The following CELF4 variants were observed in gnomAD, a reference collection of about 807,000 sequenced individuals.
CELF4 encodes the protein CUG-BP- and ETR-3-like factor 4.
A neutral mutation model predicts 59.9 loss-of-function variants in CELF4; 18 were observed. That is an observed-to-expected ratio of 0.30 (90% confidence interval 0.21 to 0.45). CELF4 has a LOEUF of 0.45. Among genes scored for constraint, CELF4 ranks in the 20% least tolerant of loss-of-function variants. The probability of loss-of-function intolerance (pLI) is 1.00; values close to 1 mark genes in which losing one functional copy is unlikely to be tolerated. For missense variants in CELF4, 456 were observed against 689.0 expected, an observed-to-expected ratio of 0.66 and a Z score of 3.79; for synonymous variants, 261 against 267.1, an observed-to-expected ratio of 0.98 and a Z score of 0.22.
intron 2 of CELF4, among the ~76,000 whole-genome samples, chr18:37,418,210 T>C (rs1302424086): frequency 2.0e-5 from 3 of 152,200 alleles, no homozygotes; most frequent in Admixed American, 1.3e-4. Context: ...CTGGTGGCAA[T>C]TGCTTTTGAA....
intron 2 of CELF4, among the ~76,000 whole-genome samples, chr18:37,381,637 CACT>C (rs1436621640): frequency 6.6e-6 from 1 of 152,146 alleles, no homozygotes; most frequent in Non-Finnish European, 1.5e-5. Context: ...TCATCTTTCC[CACT>C]ACCCAGGCCA....
rs1469395569 is a variant in CELF4 at position 37,465,472 on chromosome 18, G to A, written c.369+20053C>T. Among the ~76,000 whole-genome samples the A allele has an allele frequency of 4.6e-5, 7 of 152,230 alleles. No individual in the cohort carries two copies. In the East Asian group the frequency reaches 1.4e-3, roughly 30 times the overall value. On this transcript the variant is annotated intron_variant, in intron 2 of 12. Transcript: ENST00000420428. ...ATGGGCAGCCTCCATGTGGACACTG[G>A]GGGAGGGCTCTGTGTACCAGCACCT...
At chr18:37,394,367 C>G (rs1356172321) in intron 2 of CELF4, among the ~76,000 whole-genome samples, 1 of 152,194 alleles carries the variant, frequency 6.6e-6, no homozygotes, top group Non-Finnish European at 1.5e-5. Flanking sequence ...TTAGACCTGG[C>G]CGGCGTCCAC....
At chr18:37,334,263 C>G (rs951762561) in intron 2 of CELF4, among the ~76,000 whole-genome samples, 9 of 152,216 alleles carry the variant, frequency 5.9e-5, no homozygotes, top group African/African-American at 2.2e-4. Flanking sequence ...CAACTCAAGC[C>G]CATCTTCCAG....
At chr18:37,460,838 A>G (rs1162069392) in intron 2 of CELF4, among the ~76,000 whole-genome samples, 1 of 152,226 alleles carries the variant, frequency 6.6e-6, no homozygotes, top group African/African-American at 2.4e-5. Flanking sequence ...GAAACTTGGC[A>G]TCAACACCAA....
chr18:37,273,322 G>A lies in CELF4; in HGVS notation c.802-159C>T, dbSNP rs1601695721. On this transcript the variant is annotated intron_variant, in intron 6 of 12. Transcript: ENST00000420428. The stretch of plus-strand genomic sequence containing the variant: ...CTGATGCCTCTCCCATTCTTGCCCT[G>A]TACCTCAACAGCTATTAGAGTCCAC... 4 of 1,426,314 alleles carry A rather than the reference G, an allele frequency of 2.8e-6. No homozygotes were observed. The East Asian group carries it at 1.0e-4, about 36-fold the overall frequency. 88.4% of individuals were successfully genotyped at this position (1,426,314 alleles called of 1,614,324 possible). A position where few individuals can be genotyped will look rare whatever the true frequency, so the allele number is the denominator to read the frequency against.
intron 2 of CELF4, among the ~76,000 whole-genome samples, chr18:37,327,302 G>A (rs2097352271): frequency 6.6e-6 from 1 of 152,156 alleles, no homozygotes; most frequent in Non-Finnish European, 1.5e-5. Flanking sequence ...TGTCTGAGAA[G>A]GTGGCTCTGA....
intron 1 of CELF4, among the ~76,000 whole-genome samples, chr18:37,550,813 C>T (rs2099982963): frequency 6.6e-6 from 1 of 152,198 alleles, no homozygotes; most frequent in African/African-American, 2.4e-5. Flanking sequence ...CCAGAAAATT[C>T]CCCCCGATTA....
intron 6 of CELF4, chr18:37,273,740 G>T (rs1038248752): frequency 8.1e-6 from 8 of 988,316 alleles, no homozygotes; most frequent in Non-Finnish European, 9.6e-6. Flanking sequence ...GCCTGCCTCA[G>T]TGCCACCCAC....
intron 2 of CELF4, among the ~76,000 whole-genome samples, chr18:37,343,475 C>T (rs1384525380): frequency 6.6e-6 from 1 of 151,872 alleles, no homozygotes; most frequent in African/African-American, 2.4e-5. Context: ...ATACAGCCAC[C>T]AGATGGCAGC....
chr18:37,411,759 C>T (rs1245849181), intron 2 of CELF4, among the ~76,000 whole-genome samples: 4 of 152,204 alleles, frequency 2.6e-5, no homozygotes. Flanking sequence ...AGGGCAGTGG[C>T]AGGCAGGAGA....
At chr18:37,321,997 G>A (rs113344667) in intron 2 of CELF4, 116 bp from the exon 3 acceptor site, 25 of 685,852 alleles carry the variant, frequency 3.6e-5, no homozygotes, top group South Asian at 3.0e-4. Flanking sequence ...ACAGACACGC[G>A]CTCCCACAAC....
intron 2 of CELF4, among the ~76,000 whole-genome samples, chr18:37,327,212 C>T (rs1282017629): frequency 6.6e-6 from 1 of 152,142 alleles, no homozygotes; most frequent in Admixed American, 6.5e-5. Context: ...TGGTTCTGTG[C>T]TGCCAAGTCT....
intron 3 of CELF4, among the ~76,000 whole-genome samples, chr18:37,297,511 G>A (rs181059158): frequency 8.5e-5 from 13 of 152,292 alleles, no homozygotes; most frequent in Admixed American, 3.3e-4. Context: ...CTCTCCTAGC[G>A]TTATCTGGGA....
At chr18:37,555,053 T>C (rs899354351) in intron 1 of CELF4, among the ~76,000 whole-genome samples, 1 of 152,158 alleles carries the variant, frequency 6.6e-6, no homozygotes, top group Non-Finnish European at 1.5e-5. Flanking sequence ...ATTGATATGA[T>C]TGGGGGCCTT....
intron 2 of CELF4, among the ~76,000 whole-genome samples, chr18:37,372,641 AC>A (rs1241130323): frequency 1.3e-5 from 2 of 152,222 alleles, no homozygotes; most frequent in Non-Finnish European, 1.5e-5. Flanking sequence ...TAATAAAAAA[AC>A]AAGAAATCAC....
At chr18:37,382,873 G>A (rs1418147753) in intron 2 of CELF4, among the ~76,000 whole-genome samples, 1 of 152,116 alleles carries the variant, frequency 6.6e-6, no homozygotes, top group Non-Finnish European at 1.5e-5. Flanking sequence ...CCACAGAAAT[G>A]TAAGCGCCCT....
chr18:37,539,143 AACG>A (rs1166241119), intron 1 of CELF4, among the ~76,000 whole-genome samples: 2 of 152,246 alleles, frequency 1.3e-5, no homozygotes, highest in Non-Finnish European at 2.9e-5. Context: ...GCCTCTTGGA[AACG>A]ACAGTAACAG....
At chr18:37,513,884 G>A (rs781780333) in intron 1 of CELF4, among the ~76,000 whole-genome samples, 4 of 151,752 alleles carry the variant, frequency 2.6e-5, no homozygotes, top group Admixed American at 6.6e-5. Flanking sequence ...CTCTTGTGTT[G>A]TCCTCTGATG....
Sources: gnomAD v4.1 joint callset for allele counts (sites outside exome capture counted in the v4.1 genomes callset) on GRCh38, gnomAD v4.1.1 for gene constraint, MANE v1.5 for transcripts, NCBI Gene and HGNC (gene_info 2026-07-23, HGNC 2026-07-21) for gene names.